Variants in CCNY observed in about 807,000 individuals in gnomAD.
CCNY encodes cyclin-Y.
In CCNY, 19 loss-of-function variants were observed where a neutral mutation model predicts 42.8. That is an observed-to-expected ratio of 0.44 (90% confidence interval 0.31 to 0.65). The LOEUF (loss-of-function observed/expected upper bound fraction) is 0.65. CCNY is among the 30% of genes least tolerant of loss of function. The pLI, the probability that CCNY is intolerant of heterozygous loss-of-function variation, is 0.07. For missense variants in CCNY, 370 were observed against 437.3 expected (o/e 0.85, Z 1.37); for synonymous variants, 165 against 162.7 (o/e 1.01, Z -0.11).
rs1186514935 is a variant in CCNY, at chr10:35,530,851, C to T, written c.579+608C>T. Reference sequence around the variant, plus strand: ...CTTTGGGAGGTCAAGGTGGGAGGATCACTTGAGCCCAGGAGTTTGAGACCA... The same window carrying T: ...CTTTGGGAGGTCAAGGTGGGAGGATTACTTGAGCCCAGGAGTTTGAGACCA... On this transcript the variant is annotated intron_variant, in intron 7 of 9. Coordinates refer to ENST00000374704, the MANE Select transcript of CCNY (RefSeq NM_145012.6). This position sits in a 1 kb window ranked among gnomAD's most constrained non-coding sequence, Gnocchi z 4.3. Among the ~76,000 whole-genome samples, 2 of 152,108 alleles carry T rather than the reference C, an allele frequency of 1.3e-5. No homozygotes were observed. Among genetic ancestry groups the T allele is most frequent in the East Asian group, 3.9e-4 (2 of 5,178 alleles).
At chr10:35,534,914 CT>C (rs1422291767) in intron 7 of CCNY, among the ~76,000 whole-genome samples, 5 of 149,768 alleles carry the variant, frequency 3.3e-5, no homozygotes, top group African/African-American at 9.9e-5. Context: ...ATAGTATGTC[CT>C]TTTTTATTGC....
At chr10:35,320,142 G>A (rs763456869) in intron 3 of CCNY, among the ~76,000 whole-genome samples, 3 of 152,046 alleles carry the variant, frequency 2.0e-5, no homozygotes, top group African/African-American at 7.2e-5. Flanking sequence ...GTCATTGTCT[G>A]AGCCCAGACA....
intron 3 of CCNY, among the ~76,000 whole-genome samples, chr10:35,278,728 T>A (rs1453148972): frequency 6.6e-6 from 1 of 152,068 alleles, no homozygotes; most frequent in Non-Finnish European, 1.5e-5. Flanking sequence ...GGTCACCTAC[T>A]GGGAGGGGAA....
At chr10:35,512,884 C>T (rs1840351170) in intron 3 of CCNY, among the ~76,000 whole-genome samples, 1 of 151,918 alleles carries the variant, frequency 6.6e-6, no homozygotes, top group African/African-American at 2.4e-5. Context: ...TGTGGAAGGT[C>T]CAGTGGAAGT....
rs551444530 is a variant in CCNY, at chr10:35,571,895, A to G, written c.*2725A>G. The G allele has an allele frequency of 6.6e-5, 10 of 152,444 alleles. No homozygotes were observed. In the South Asian group the frequency reaches 2.1e-3, roughly 32 times the overall value. The allele number at this position is 152,444 out of a possible 1,614,324, so 9.4% of individuals were successfully genotyped here. A position where few individuals can be genotyped will look rare whatever the true frequency, so the allele number is the denominator to read the frequency against. ...TTTAATTTTATATTTGATTTAAACA[A>G]CAAATAAAGTCATTGGGACAATAAA... On this transcript the variant is annotated 3_prime_UTR_variant, in exon 10 of 10. Transcript: ENST00000374704.
At chr10:35,381,445 C>T (rs533841269) in intron 1 of CCNY, among the ~76,000 whole-genome samples, 1 of 151,922 alleles carries the variant, frequency 6.6e-6, no homozygotes, top group African/African-American at 2.4e-5. Context: ...CCTGTAATCC[C>T]AGCTACTGGA....
chr10:35,459,069 G>A lies in CCNY; in HGVS notation c.155-24335G>A, dbSNP rs186683485. 2.1e-3 allele frequency among the ~76,000 whole-genome samples: 316 copies of A among 152,280 alleles called. 2 individuals carry two copies. The highest frequency in any genetic ancestry group is 2.9e-3 in the Non-Finnish European group (200 of 68,020). ...AATTCTGCTTAGCATGTGGAGGGAA[G>A]CCCACGTCATATTTTGTAAAAAAGC... On this transcript the variant is annotated intron_variant, in intron 1 of 9. Coordinates refer to ENST00000374704, the MANE Select transcript of CCNY (RefSeq NM_145012.6).
At chr10:35,465,018 C>A (rs764713672) in intron 1 of CCNY, among the ~76,000 whole-genome samples, 41 of 152,140 alleles carry the variant, frequency 2.7e-4, no homozygotes, top group Non-Finnish European at 3.5e-4. Context: ...CTAATTCATG[C>A]CTCTCAGGAG....
chr10:35,338,206 C>A (rs1408758270), intron 1 of CCNY, among the ~76,000 whole-genome samples: 1 of 152,094 alleles, frequency 6.6e-6, no homozygotes, highest in Non-Finnish European at 1.5e-5. Context: ...CTTCATAATT[C>A]GTTCCTGTCC....
intron 1 of CCNY, among the ~76,000 whole-genome samples, chr10:35,407,789 G>T (rs1469911436): frequency 6.6e-6 from 1 of 152,080 alleles, no homozygotes; most frequent in Non-Finnish European, 1.5e-5. Context: ...ACACGGAGAA[G>T]GGGGGTGGGG....
At chr10:35,275,357 C>A (rs954121019) in intron 3 of CCNY, among the ~76,000 whole-genome samples, 1 of 151,876 alleles carries the variant, frequency 6.6e-6, no homozygotes, top group Non-Finnish European at 1.5e-5. Flanking sequence ...TGAGCCACTG[C>A]GCCCAGTCGA....
At chr10:35,513,163 C>T (rs1267145804) in intron 3 of CCNY, among the ~76,000 whole-genome samples, 2 of 151,988 alleles carry the variant, frequency 1.3e-5, no homozygotes, top group East Asian at 3.9e-4. Context: ...ACTAAATGAC[C>T]TTGCTTCAGT....
At chr10:35,356,791 ATTCT>A (rs1354742848) in intron 1 of CCNY, among the ~76,000 whole-genome samples, 1 of 152,132 alleles carries the variant, frequency 6.6e-6, no homozygotes, top group Non-Finnish European at 1.5e-5. Flanking sequence ...TCTTAAAACT[ATTCT>A]TTCTTATAAT....
chr10:35,334,498 G>A (rs1351660178), upstream of CCNY, among the ~76,000 whole-genome samples: 1 of 151,586 alleles, frequency 6.6e-6, no homozygotes, highest in Non-Finnish European at 1.5e-5. Context: ...GTGTAAATAT[G>A]CCCCAGTTTT....
In CCNY at chr10:35,302,369, G is replaced by A. The variant is rs187164721; in HGVS notation, c.-9+51743G>A. 3.5e-3 allele frequency among the ~76,000 whole-genome samples: 523 copies of A among 148,974 alleles called. 4 individuals carry two copies. The highest frequency in any genetic ancestry group is 0.012 in the African/African-American group (497 of 40,126). ...TCTGTCACCCAGGCTGGAGTGCAGT[G>A]GCGCGATCTCGGCTCACTGCAACCT... On this transcript the variant is annotated intron_variant, in intron 3 of 11. Transcript: ENST00000374706.
chr10:35,403,132 G>T (rs573682374), intron 1 of CCNY, among the ~76,000 whole-genome samples: 3 of 150,386 alleles, frequency 2.0e-5, no homozygotes, highest in Admixed American at 6.6e-5. Context: ...AGGGTGGGGT[G>T]GGGGGGGTTG....
intron 3 of CCNY, chr10:35,314,479 G>A (rs527665925): frequency 2.6e-5 from 4 of 151,996 alleles, no homozygotes; most frequent in South Asian, 2.1e-4. Context: ...GCCACAACAC[G>A]TGGGAATTGT....
At chr10:35,305,291 C>G (rs112091952) in intron 3 of CCNY, among the ~76,000 whole-genome samples, 1 of 152,102 alleles carries the variant, frequency 6.6e-6, no homozygotes, top group African/African-American at 2.4e-5. Context: ...GCTCTAATTC[C>G]CCCCTGCTAA....
intron 1 of CCNY, among the ~76,000 whole-genome samples, chr10:35,367,355 T>C (rs1266928598): frequency 6.6e-6 from 1 of 152,238 alleles, no homozygotes; most frequent in Non-Finnish European, 1.5e-5. Flanking sequence ...GTGCCTATCT[T>C]CCTTCTCTGT....
Sources: gnomAD v4.1 joint callset for allele counts (sites outside exome capture counted in the v4.1 genomes callset) on GRCh38, gnomAD v4.1.1 for gene constraint, Gnocchi (gnomAD v3.1) non-coding constraint, MANE v1.5 for transcripts, NCBI Gene and HGNC (gene_info 2026-07-23, HGNC 2026-07-21) for gene names.